PPM1H: variants seen among roughly 807,000 people sequenced by gnomAD.
PPM1H encodes protein phosphatase, Mg2+/Mn2+ dependent 1H, also known as protein phosphatase 1H.
PPM1H carries 27 observed loss-of-function variants against 54.9 expected under a neutral mutation model. The observed-to-expected ratio is 0.49, with a 90% CI of 0.36 to 0.68. The LOEUF (loss-of-function observed/expected upper bound fraction) is 0.68, where lower values mean the gene tolerates loss of function less well. PPM1H is among the 30% of genes least tolerant of loss of function. PPM1H has a pLI of 0.00. For missense variants in PPM1H, 596 were observed against 667.8 expected, an observed-to-expected ratio of 0.89 and a Z score of 1.19; for synonymous variants, 305 against 270.8, an observed-to-expected ratio of 1.13 and a Z score of -1.24.
At chr12:62,827,818 TG>T (rs1868307284) in intron 2 of PPM1H, among the ~76,000 whole-genome samples, 1 of 152,188 alleles carries the variant, frequency 6.6e-6, no homozygotes, top group Non-Finnish European at 1.5e-5. Flanking sequence ...TCTCCTTGGT[TG>T]TTCCCCAAAT....
At chr12:62,753,262 T>G (rs2076452025) in intron 4 of PPM1H, among the ~76,000 whole-genome samples, 4 of 152,192 alleles carry the variant, frequency 2.6e-5, no homozygotes, top group Non-Finnish European at 5.9e-5. Context: ...ATCAGTTAAT[T>G]TAGGTTGGCC....
At chr12:62,739,502 C>G (rs1420074856) in intron 4 of PPM1H, among the ~76,000 whole-genome samples, 1 of 152,164 alleles carries the variant, frequency 6.6e-6, no homozygotes, top group East Asian at 1.9e-4. Flanking sequence ...GTGATAAATT[C>G]CAAAGATAAT....
intron 9 of PPM1H, among the ~76,000 whole-genome samples, chr12:62,666,587 G>A (rs534635119): frequency 2.0e-5 from 3 of 152,322 alleles, no homozygotes; most frequent in South Asian, 2.1e-4. Context: ...CTACTTTAGA[G>A]GATAGCTTAG....
intron 1 of PPM1H, among the ~76,000 whole-genome samples, chr12:62,880,132 A>G (rs1337617824): frequency 6.6e-6 from 1 of 152,246 alleles, no homozygotes; most frequent in Non-Finnish European, 1.5e-5. Context: ...GTTAAAATAG[A>G]ACAATTATAC....
chr12:62,934,968 C>G lies in PPM1H; in HGVS notation c.-232G>C. 3.6e-6 allele frequency: 1 copy of G among 277,232 alleles called. No individual in the cohort carries two copies. The highest frequency in any genetic ancestry group is 1.7e-4 in the South Asian group (1 of 6,058). 17.2% of individuals were successfully genotyped at this position (277,232 alleles called of 1,614,324 possible). On this transcript the variant is annotated 5_prime_UTR_variant, in exon 1 of 10. Transcript: ENST00000228705. This position sits in a 1 kb window ranked among gnomAD's most constrained non-coding sequence, Gnocchi z 4.2. ...CCCCCGCTACACTTCCGCAACGGAG[C>G]TGCATGGAGCGGGCCGACCGGGGGA...
At chr12:62,670,266 C>T (rs1216313574) in intron 8 of PPM1H, among the ~76,000 whole-genome samples, 5 of 152,018 alleles carry the variant, frequency 3.3e-5, no homozygotes, top group Admixed American at 6.6e-5. Context: ...CATGAGCCAC[C>T]GCGCCTGGCC....
chr12:62,893,147 AAT>A (rs571151125), intron 1 of PPM1H, among the ~76,000 whole-genome samples: 122 of 152,344 alleles, frequency 8.0e-4, no homozygotes, highest in Admixed American at 1.2e-3. Flanking sequence ...AAAATAAGAA[AAT>A]ATGTGACAGA....
chr12:62,794,830 C>T (rs1371446437), intron 3 of PPM1H, among the ~76,000 whole-genome samples: 2 of 151,996 alleles, frequency 1.3e-5, no homozygotes, highest in South Asian at 2.1e-4. Flanking sequence ...CTGGGCCAAG[C>T]GACAATATAA....
intron 1 of PPM1H, among the ~76,000 whole-genome samples, chr12:62,898,598 A>G (rs1490014498): frequency 2.6e-5 from 4 of 152,220 alleles, no homozygotes; most frequent in Non-Finnish European, 5.9e-5. Context: ...ACGTGTTGCT[A>G]AGAGACTGTC....
At chr12:62,747,868 T>A (rs1289614372) in intron 4 of PPM1H, among the ~76,000 whole-genome samples, 2 of 152,112 alleles carry the variant, frequency 1.3e-5, no homozygotes, top group African/African-American at 2.4e-5. Flanking sequence ...CTGCTCTAGA[T>A]ACACAACAAT....
At chr12:62,861,212 A>G (rs781550080) in intron 1 of PPM1H, among the ~76,000 whole-genome samples, 14 of 152,224 alleles carry the variant, frequency 9.2e-5, no homozygotes, top group Admixed American at 3.9e-4. Context: ...TCTGAATCGG[A>G]GCTACCATAA....
intron 3 of PPM1H, chr12:62,788,599 T>C (rs1378522374): frequency 2.8e-6 from 1 of 360,170 alleles, no homozygotes; most frequent in Admixed American, 4.1e-5. Flanking sequence ...AAAATGCAAA[T>C]AAAATGTAAG....
At position 62,689,628 on chromosome 12, in the gene PPM1H, G is replaced by A. The variant is rs987699019; in HGVS notation, c.1245+71C>T. 4 of 1,119,320 alleles carry A rather than the reference G, an allele frequency of 3.6e-6. No individual in the cohort carries two copies. In the African/African-American group the frequency reaches 6.2e-5, roughly 17 times the overall value. The allele number at this position is 1,119,320 out of a possible 1,614,324, so 69.3% of individuals were successfully genotyped here. ...GTTGGCTACTGTCTGGATATGGGGT[G>A]TGAGTCACAGGAGGAATAACGCCGA... On this transcript the variant is annotated intron_variant, in intron 8 of 9. Transcript: ENST00000228705.
At chr12:62,921,888 C>G (rs74634870) in intron 1 of PPM1H, among the ~76,000 whole-genome samples, 2 of 152,144 alleles carry the variant, frequency 1.3e-5, no homozygotes, top group African/African-American at 4.8e-5. Context: ...ACCTCACTTA[C>G]GATTTAAGCC....
chr12:62,810,389 A>C (rs1290678523), intron 2 of PPM1H, among the ~76,000 whole-genome samples: 3 of 152,152 alleles, frequency 2.0e-5, no homozygotes, highest in Non-Finnish European at 4.4e-5. Context: ...AAAGAAACGA[A>C]GAGACATTGC....
intron 1 of PPM1H, among the ~76,000 whole-genome samples, chr12:62,849,928 T>C (rs1037991662): frequency 6.6e-6 from 1 of 152,174 alleles, no homozygotes; most frequent in African/African-American, 2.4e-5. Context: ...AAATTATAAA[T>C]AGCAATTTAC....
At chr12:62,910,331 C>T (rs563823013) in intron 1 of PPM1H, among the ~76,000 whole-genome samples, 9 of 152,062 alleles carry the variant, frequency 5.9e-5, no homozygotes, top group Non-Finnish European at 8.8e-5. Flanking sequence ...TAAGATGTGC[C>T]TATTCATATT....
At chr12:62,685,322 TG>T (rs1453190242) in intron 8 of PPM1H, among the ~76,000 whole-genome samples, 1 of 152,168 alleles carries the variant, frequency 6.6e-6, no homozygotes, top group Non-Finnish European at 1.5e-5. Flanking sequence ...AAGACAAAGT[TG>T]CTCTCTTAGG....
At chr12:62,723,534 G>A (rs1393658928) in intron 5 of PPM1H, among the ~76,000 whole-genome samples, 1 of 152,156 alleles carries the variant, frequency 6.6e-6, no homozygotes, top group Non-Finnish European at 1.5e-5. Flanking sequence ...AATTAATGCT[G>A]CTATAGAAAA....
Sources: gnomAD v4.1 joint callset for allele counts (sites outside exome capture counted in the v4.1 genomes callset) on GRCh38, gnomAD v4.1.1 for gene constraint, Gnocchi (gnomAD v3.1) non-coding constraint, MANE v1.5 for transcripts, NCBI Gene and HGNC (gene_info 2026-07-23, HGNC 2026-07-21) for gene names.